The following RBFOX1 variants were observed in gnomAD, a reference collection of about 807,000 sequenced individuals.
The protein encoded by RBFOX1 is RNA binding fox-1 homolog 1, also known as RNA binding protein fox-1 homolog 1.
Under a neutral mutation model 57.7 loss-of-function variants are expected in RBFOX1, and 8 were observed. The observed-to-expected ratio is 0.14, with a 90% CI of 0.08 to 0.25. The LOEUF (loss-of-function observed/expected upper bound fraction) is 0.25, where lower values mean the gene tolerates loss of function less well. Among genes scored for constraint, RBFOX1 ranks in the 10% least tolerant of loss-of-function variants. The pLI, the probability that RBFOX1 is intolerant of heterozygous loss-of-function variation, is 1.00. For missense variants in RBFOX1, 611 were observed against 548.5 expected, an observed-to-expected ratio of 1.11 and a Z score of -1.14; for synonymous variants, 326 against 222.4, an observed-to-expected ratio of 1.47 and a Z score of -4.15.
intron 4 of RBFOX1, among the ~76,000 whole-genome samples, chr16:7,383,006 A>G (rs553567353): frequency 4.6e-5 from 7 of 152,308 alleles, no homozygotes; most frequent in Admixed American, 3.9e-4. Flanking sequence ...AACTTGACAT[A>G]TGGTAAGCAA....
At chr16:6,704,266 G>T (rs1363321548) in intron 3 of RBFOX1, 1 of 152,220 alleles carries the variant, frequency 6.6e-6, no homozygotes, top group Non-Finnish European at 1.5e-5. Flanking sequence ...TGAACAGCCA[G>T]TCCCTGCTCC....
At chr16:5,404,485 T>G (rs490662) in intron 1 of RBFOX1, among the ~76,000 whole-genome samples, 1 of 151,940 alleles carries the variant, frequency 6.6e-6, no homozygotes, top group African/African-American at 2.4e-5. Flanking sequence ...TGGACTGCAC[T>G]TTGTAGGTCT....
chr16:7,589,664 C>T (rs147343861), intron 7 of RBFOX1, among the ~76,000 whole-genome samples: 1 of 151,828 alleles, frequency 6.6e-6, no homozygotes, highest in African/African-American at 2.4e-5. Flanking sequence ...GGGGCAGCAG[C>T]TCACACAGGG....
intron 4 of RBFOX1, among the ~76,000 whole-genome samples, chr16:7,386,467 C>A (rs905724521): frequency 6.9e-6 from 1 of 145,448 alleles, no homozygotes. Context: ...CTTATGAGAA[C>A]ATGTGGCGTT....
rs139861703 is a variant in RBFOX1 at position 7,218,834 on chromosome 16, C to T, written c.27+166736C>T. On this transcript the variant is annotated intron_variant, in intron 4 of 15. Coordinates refer to ENST00000550418, the MANE Select transcript of RBFOX1 (RefSeq NM_018723.4). ...TGTCTAGAAGTATCAGAAGTTGCTGCTACATTTTGGTGGACTTGCACCTGA... is the reference window on the plus strand; with the variant it reads ...TGTCTAGAAGTATCAGAAGTTGCTGTTACATTTTGGTGGACTTGCACCTGA... Among the ~76,000 whole-genome samples the T allele has an allele frequency of 1.1e-3, 165 of 152,026 alleles. 3 individuals are homozygous for T. Among genetic ancestry groups the T allele is most frequent in the Admixed American group, 9.8e-3 (149 of 15,258 alleles).
chr16:6,153,330 A>C (rs970774606), intron 1 of RBFOX1, among the ~76,000 whole-genome samples: 1 of 152,210 alleles, frequency 6.6e-6, no homozygotes, highest in Non-Finnish European at 1.5e-5. Context: ...TAAAACAAAA[A>C]ACAAAACCAT....
At chr16:7,334,604 C>G (rs1227192922) in intron 4 of RBFOX1, among the ~76,000 whole-genome samples, 14 of 152,148 alleles carry the variant, frequency 9.2e-5, no homozygotes, top group Admixed American at 9.2e-4. Context: ...GGAAAAATAA[C>G]GGCACCCACT....
At chr16:6,222,116 A>G (rs561108976) in intron 1 of RBFOX1, among the ~76,000 whole-genome samples, 21 of 152,298 alleles carry the variant, frequency 1.4e-4, no homozygotes, top group African/African-American at 5.1e-4. Flanking sequence ...TTCCAGCATG[A>G]TGTCTTTCCA....
chr16:6,768,948 C>G (rs1603618503), intron 3 of RBFOX1, among the ~76,000 whole-genome samples: 1 of 152,074 alleles, frequency 6.6e-6, no homozygotes, highest in Non-Finnish European at 1.5e-5. Flanking sequence ...AGGCTGGTCT[C>G]AAACTCCTGA....
chr16:5,668,833 G>T (rs971909701), intron 3 of RBFOX1, among the ~76,000 whole-genome samples: 1 of 152,116 alleles, frequency 6.6e-6, no homozygotes. Context: ...CTGGAGAGGT[G>T]GTGGGTGGAG....
chr16:7,451,458 T>G (rs1002048205), intron 4 of RBFOX1, among the ~76,000 whole-genome samples: 1 of 152,118 alleles, frequency 6.6e-6, no homozygotes, highest in Admixed American at 6.5e-5. Context: ...TTCTATACAT[T>G]TTGTGCTCGG....
At chr16:7,238,944 C>T (rs1295535595) in intron 4 of RBFOX1, among the ~76,000 whole-genome samples, 3 of 152,170 alleles carry the variant, frequency 2.0e-5, no homozygotes, top group African/African-American at 4.8e-5. Flanking sequence ...CCTCCAGTTT[C>T]ATCCATGTTC....
At chr16:5,871,576 G>A (rs895569836) in intron 4 of RBFOX1, among the ~76,000 whole-genome samples, 2 of 152,114 alleles carry the variant, frequency 1.3e-5, no homozygotes, top group African/African-American at 2.4e-5. Flanking sequence ...GAGAGAGAAC[G>A]AAGTTACCTG....
intron 3 of RBFOX1, among the ~76,000 whole-genome samples, chr16:7,024,246 A>T (rs866555842): frequency 4.9e-4 from 75 of 152,308 alleles, no homozygotes; most frequent in African/African-American, 1.6e-3. Context: ...CGTGCTCTGG[A>T]CATGAATGCA....
At chr16:7,598,306 T>G (rs1462469698) in intron 9 of RBFOX1, among the ~76,000 whole-genome samples, 1 of 152,102 alleles carries the variant, frequency 6.6e-6, no homozygotes, top group Admixed American at 6.6e-5. Context: ...CATAAATGTT[T>G]GTCGCATAAC....
At chr16:5,668,611 C>G (rs2049922204) in intron 3 of RBFOX1, among the ~76,000 whole-genome samples, 1 of 152,180 alleles carries the variant, frequency 6.6e-6, no homozygotes, top group Non-Finnish European at 1.5e-5. Flanking sequence ...GGGGAAGTGA[C>G]AGGTAGGTGT....
At chr16:6,136,982 G>A (rs543514338) in intron 1 of RBFOX1, among the ~76,000 whole-genome samples, 1 of 152,108 alleles carries the variant, frequency 6.6e-6, no homozygotes, top group Non-Finnish European at 1.5e-5. Flanking sequence ...TTTTTTAATT[G>A]AGTTGTTAAT....
chr16:7,110,198 A>G (rs963812180), intron 4 of RBFOX1, among the ~76,000 whole-genome samples: 4 of 151,242 alleles, frequency 2.6e-5, no homozygotes, highest in African/African-American at 7.3e-5. Context: ...AAAAAAAAAA[A>G]AAAAAAGAAA....
chr16:6,599,475 C>A lies in RBFOX1; in HGVS notation c.-63-55128C>A, dbSNP rs550746529. 7.9e-5 allele frequency among the ~76,000 whole-genome samples: 12 copies of A among 152,238 alleles called. 1 individual carries two copies. Among genetic ancestry groups the A allele is most frequent in the Admixed American group, 2.6e-4 (4 of 15,304 alleles). The stretch of plus-strand genomic sequence containing the variant: ...ATAACAAGGACGCTTCAAAAAAATA[C>A]TAAGCGACACACCTAAAGGGCTTAA... On this transcript the variant is annotated intron_variant, in intron 2 of 15. Coordinates refer to ENST00000550418, the MANE Select transcript of RBFOX1 (RefSeq NM_018723.4).
Sources: gnomAD v4.1 joint callset for allele counts (sites outside exome capture counted in the v4.1 genomes callset) on GRCh38, gnomAD v4.1.1 for gene constraint, MANE v1.5 for transcripts, NCBI Gene and HGNC (gene_info 2026-07-23, HGNC 2026-07-21) for gene names.